GRK1: variants seen among roughly 807,000 people sequenced by gnomAD.
The protein encoded by GRK1 is G protein-coupled receptor kinase 1, also known as rhodopsin kinase GRK1.
Under a neutral mutation model 41.7 loss-of-function variants are expected in GRK1, and 28 were observed. The ratio of observed to expected loss-of-function variants is 0.67; its 90% CI spans 0.50 to 0.92. GRK1 has a LOEUF of 0.92. Among genes scored for constraint, GRK1 ranks in the 40% least tolerant of loss-of-function variants. GRK1 has a pLI of 0.00. For synonymous variants in GRK1, 327 were observed against 286.7 expected (o/e 1.14, Z -1.42); for missense variants, 703 against 671.2 (o/e 1.05, Z -0.52).
intron 4 of GRK1, among the ~76,000 whole-genome samples, chr13:113,723,812 G>C (rs1367676949): frequency 6.8e-6 from 1 of 148,046 alleles, no homozygotes; most frequent in Admixed American, 6.8e-5. Context: ...ATGTGTGCCT[G>C]TGTGCCCATG....
At chr13:113,649,597 C>G in the GRK1 span, 165 of 1,441,626 alleles carry the variant, frequency 1.1e-4, no homozygotes, top group Admixed American at 2.5e-4. The surrounding 1 kb of genome is among the most constrained non-coding windows in gnomAD (Gnocchi z 4.7). Flanking sequence ...GGAGAGAAAA[C>G]TAAGCAAGGA....
chr13:113,727,979 G>GAGGAGTACCCATGGCGATA (rs2049902683), intron 4 of GRK1, among the ~76,000 whole-genome samples: 1 of 98,016 alleles, frequency 1.0e-5, no homozygotes, highest in African/African-American at 5.3e-5. Flanking sequence ...CCATGGCGAT[G>GAGGAGTACCCATGGCGATA]AGGAGTACCC....
At chr13:113,658,154 C>A in the GRK1 span, 5 of 1,608,812 alleles carry the variant, frequency 3.1e-6, no homozygotes, top group Admixed American at 1.7e-5. Context: ...TCGTCCCTGG[C>A]CTGAGATCCT....
chr13:113,650,376 G>A, the GRK1 span: 2 of 1,591,268 alleles, frequency 1.3e-6, no homozygotes, highest in Non-Finnish European at 1.7e-6. This position sits in a 1 kb window ranked among gnomAD's most constrained non-coding sequence, Gnocchi z 5.0. Flanking sequence ...AGCAGCTGTG[G>A]TGAGGGAAGC....
At chr13:113,655,499 G>A in the GRK1 span, among the ~76,000 whole-genome samples, 1 of 152,206 alleles carries the variant, frequency 6.6e-6, no homozygotes, top group African/African-American at 2.4e-5. Context: ...GCAACTCAGG[G>A]TGCAGCTTCA....
At position 113,667,736 on chromosome 13, in the gene GRK1, C is replaced by T; in HGVS notation, c.350C>T (p.Pro117Leu). 4 of 1,613,910 alleles carry T rather than the reference C, an allele frequency of 2.5e-6. No individual in the cohort carries two copies. The highest frequency in any genetic ancestry group is 1.1e-5 in the South Asian group (1 of 91,086). ...AQTILAQYLD[P>L]QAKLFCSFLD... is the part of the protein sequence containing the mutation. ...ACCATCCTGGCCCAGTACCTGGACCCCCAGGCCAAACTCTTCTGCAGCTTC... is the reference window on the plus strand; with the variant it reads ...ACCATCCTGGCCCAGTACCTGGACCTCCAGGCCAAACTCTTCTGCAGCTTC... Residue 117 changes from proline to leucine, a missense_variant, in exon 1 of 7, where the codon CCC (proline) becomes CTC (leucine). By Grantham distance (98) the Pro-to-Leu change is moderately conservative (BLOSUM62 -3). Transcript: ENST00000335678. This position sits in a 1 kb window ranked among gnomAD's most constrained non-coding sequence, Gnocchi z 7.5.
At chr13:113,734,236 G>C (rs192795264) in intron 6 of GRK1, among the ~76,000 whole-genome samples, 1 of 152,230 alleles carries the variant, frequency 6.6e-6, no homozygotes, top group Non-Finnish European at 1.5e-5. Flanking sequence ...AGTCGCTTTC[G>C]TATGTTAGGG....
chr13:113,671,699 G>A lies in GRK1; in HGVS notation c.985+43G>A, dbSNP rs2049859342. The A allele has an allele frequency of 2.8e-6, 2 of 710,044 alleles. No individual in the cohort carries two copies. Among genetic ancestry groups the A allele is most frequent in the South Asian group, 1.5e-5 (1 of 68,656 alleles). The allele number at this position is 710,044 out of a possible 1,614,324, so 44.0% of individuals were successfully genotyped here. On this transcript the variant is annotated intron_variant, in intron 3 of 6. Transcript: ENST00000335678. The surrounding 1 kb of genome is among the most constrained non-coding windows in gnomAD (Gnocchi z 4.1). Reference sequence around the variant, plus strand: ...CTGGGAGGGATGAGGGCTACGAGGAGGGCGGGGCGCAGCTTCCTTGGGGGT... The same window carrying A: ...CTGGGAGGGATGAGGGCTACGAGGAAGGCGGGGCGCAGCTTCCTTGGGGGT...
intron 6 of GRK1, among the ~76,000 whole-genome samples, chr13:113,733,513 G>GTGTA (rs1555361091): frequency 6.8e-5 from 9 of 132,248 alleles, no homozygotes; most frequent in African/African-American, 1.8e-4. Context: ...GTGTGCACGT[G>GTGTA]TGTGTGCATG....
In GRK1 at chr13:113,731,646, G is replaced by C. The variant is rs1171365188; in HGVS notation, c.1194+303G>C. On this transcript the variant is annotated intron_variant, in intron 5 of 6. Coordinates refer to ENST00000335678, the MANE Select transcript of GRK1 (RefSeq NM_002929.3). The surrounding 1 kb of genome is among the most constrained non-coding windows in gnomAD (Gnocchi z 5.6). ...AGCACGCCACCACTCAGCCTCTGAG[G>C]GCCCTGTGGGGGCCGGTCCCTCTGG... is the stretch of plus-strand genomic sequence containing the variant. Among the ~76,000 whole-genome samples the C allele has an allele frequency of 1.3e-5, 2 of 152,170 alleles. No homozygotes were observed. Among genetic ancestry groups the C allele is most frequent in the Non-Finnish European group, 2.9e-5 (2 of 68,022 alleles).
At chr13:113,733,716 C>A (rs551017594) in intron 6 of GRK1, among the ~76,000 whole-genome samples, 3 of 94,722 alleles carry the variant, frequency 3.2e-5, no homozygotes, top group East Asian at 2.9e-4. Context: ...TGTGTGCGCA[C>A]GTGTGTGTGC....
At chr13:113,733,989 CA>C (rs2049979893) in intron 6 of GRK1, among the ~76,000 whole-genome samples, 1 of 114,468 alleles carries the variant, frequency 8.7e-6, no homozygotes, top group African/African-American at 3.3e-5. Context: ...CATGTGTGTG[CA>C]TACATGTGTG....
the GRK1 span, among the ~76,000 whole-genome samples, chr13:113,655,986 G>T: frequency 1.9e-4 from 29 of 152,368 alleles, no homozygotes; most frequent in African/African-American, 7.0e-4. Flanking sequence ...CACCAGCTGG[G>T]CTCAGGGCTG....
chr13:113,733,198 C>A, intron 6 of GRK1, 113 bp downstream of exon 6: 1 of 1,046,650 alleles, frequency 9.6e-7, no homozygotes, highest in Non-Finnish European at 1.4e-6. Flanking sequence ...CTCAGACCCC[C>A]AAGGCTCTCC....
At chr13:113,733,726 C>T (rs534131801) in intron 6 of GRK1, among the ~76,000 whole-genome samples, 871 of 86,396 alleles carry the variant, frequency 0.01, 26 homozygotes, top group Non-Finnish European at 0.014. Flanking sequence ...CGTGTGTGTG[C>T]GCGCGTGTGT....
chr13:113,660,011 A>G, the GRK1 span, among the ~76,000 whole-genome samples: 1 of 152,216 alleles, frequency 6.6e-6, no homozygotes, highest in Non-Finnish European at 1.5e-5. Flanking sequence ...AATTTCCAGA[A>G]GCAGGTACAT....
intron 4 of GRK1, among the ~76,000 whole-genome samples, chr13:113,724,579 C>T (rs1170544504): frequency 6.6e-6 from 1 of 152,178 alleles, no homozygotes; most frequent in African/African-American, 2.4e-5. Context: ...GGACTGTTTC[C>T]CCAAAGTTCT....
chr13:113,734,169 GACTA>G (rs36147049), intron 6 of GRK1, among the ~76,000 whole-genome samples: 7,815 of 152,270 alleles, frequency 0.051, 272 homozygotes, highest in East Asian at 0.12. Flanking sequence ...CGTGCAGTGT[GACTA>G]ACTTAGGACA....
At chr13:113,733,980 A>ATG (rs200077938) in intron 6 of GRK1, among the ~76,000 whole-genome samples, 1 of 95,256 alleles carries the variant, frequency 1.0e-5, no homozygotes, top group Admixed American at 1.1e-4. Context: ...GTGTGTGCGC[A>ATG]TGTGTGTGCA....
Sources: allele counts gnomAD v4.1 joint callset (sites outside exome capture counted in the v4.1 genomes callset), GRCh38; gene constraint gnomAD v4.1.1; non-coding constraint Gnocchi (gnomAD v3.1); transcripts MANE v1.5; gene names NCBI Gene and HGNC (gene_info 2026-07-23, HGNC 2026-07-21).